MAPK8: variants seen among roughly 807,000 people sequenced by gnomAD.
The protein encoded by MAPK8 is mitogen-activated protein kinase 8.
A neutral mutation model predicts 52.9 loss-of-function variants in MAPK8; 13 were observed. The observed-to-expected ratio is 0.25, with a 90% CI of 0.16 to 0.39. The LOEUF is 0.39. Among genes scored for constraint, MAPK8 ranks in the 10% least tolerant of loss-of-function variants. The pLI is 1.00. For synonymous variants in MAPK8, 191 were observed against 169.8 expected (o/e 1.12, Z -0.97); for missense variants, 300 against 519.2 (o/e 0.58, Z 4.10).
intron 5 of MAPK8, among the ~76,000 whole-genome samples, chr10:48,410,672 A>T (rs1047833988): frequency 1.3e-5 from 2 of 152,224 alleles, no homozygotes; most frequent in African/African-American, 4.8e-5. Flanking sequence ...GTGCTGAGTC[A>T]TATGGTGATT....
Position 48,404,959 on chromosome 10 carries a change from T to C in MAPK8, c.230T>C (p.Met77Thr), listed in dbSNP as rs1334928589. 5 of 1,604,756 alleles carry C rather than the reference T, an allele frequency of 3.1e-6. No homozygotes were observed. The highest frequency in any genetic ancestry group is 3.4e-5 in the Admixed American group (2 of 58,438). ...AKRAYRELVL[M>T]KCVNHKNIIG... ...CGGGCCTACAGAGAGCTAGTTCTTATGAAATGTGTTAATCACAAAAATGTA... is the reference window on the plus strand; with the variant it reads ...CGGGCCTACAGAGAGCTAGTTCTTACGAAATGTGTTAATCACAAAAATGTA... The change falls in exon 3 of 12, where the codon ATG becomes ACG. Residue 77 changes from methionine to threonine, a missense_variant. Physicochemically the swap from Met to Thr is moderately conservative, Grantham distance 81. Transcript: ENST00000374189.
chr10:48,421,258 A>G (rs1303914630), intron 6 of MAPK8, among the ~76,000 whole-genome samples: 1 of 152,370 alleles, frequency 6.6e-6, no homozygotes, highest in Non-Finnish European at 1.5e-5. Flanking sequence ...GATTAAAAAC[A>G]AATACTTTAA....
intron 1 of MAPK8, among the ~76,000 whole-genome samples, chr10:48,324,613 T>G (rs1179488070): frequency 6.6e-6 from 1 of 151,864 alleles, no homozygotes; most frequent in Admixed American, 6.6e-5. Flanking sequence ...CTTGTAGCAA[T>G]TAACTTTTAT....
rs1847154459 is a variant in MAPK8, at chr10:48,358,086, C to G, written c.-49-43526C>G. On this transcript the variant is annotated intron_variant, in intron 1 of 11. Coordinates refer to ENST00000374189, the MANE Select transcript of MAPK8 (RefSeq NM_001323329.2). ...TTAGTTGATGAACCTTTGGATGTTG[C>G]TACCTTTTGGCTGTTGTGAATAGTG... 2.0e-5 allele frequency among the ~76,000 whole-genome samples: 3 copies of G among 152,202 alleles called. No individual in the cohort carries two copies. In the South Asian group the frequency reaches 6.2e-4, roughly 32 times the overall value.
chr10:48,401,601 G>A lies in MAPK8; in HGVS notation c.-49-11G>A, dbSNP rs1434179315. 2.9e-5 allele frequency: 45 copies of A among 1,577,970 alleles called. No individual in the cohort carries two copies. Among genetic ancestry groups the A allele is most frequent in the Non-Finnish European group, 3.4e-5 (39 of 1,157,622 alleles). ...CATTTTGTTAACATCATGTTTTGTT[G>A]CATCTTGCAGCTTCTTGGTGAATTT... is the stretch of plus-strand genomic sequence containing the variant. On this transcript the variant is annotated splice_polypyrimidine_tract_variant and intron_variant, in intron 1 of 11. Coordinates refer to ENST00000374189, the MANE Select transcript of MAPK8 (RefSeq NM_001323329.2).
chr10:48,398,348 G>A (rs1304871010), intron 1 of MAPK8, among the ~76,000 whole-genome samples: 1 of 152,034 alleles, frequency 6.6e-6, no homozygotes, highest in Non-Finnish European at 1.5e-5. Flanking sequence ...CGGCATATAA[G>A]CCCATGAAAA....
In MAPK8 at chr10:48,438,957, A is replaced by G. The variant is rs1209110895; in HGVS notation, c.*3928A>G. Reference sequence around the variant, plus strand: ...TACTTTTGTAGGCCCAATATTTGGTATATTTTTGAGAAGCTGTTAATCTTT... The same window carrying G: ...TACTTTTGTAGGCCCAATATTTGGTGTATTTTTGAGAAGCTGTTAATCTTT... On this transcript the variant is annotated 3_prime_UTR_variant, in exon 12 of 12. Transcript: ENST00000374189. 6.6e-6 allele frequency: 1 copy of G among 152,202 alleles called. No individual in the cohort carries two copies. The highest frequency in any genetic ancestry group is 2.4e-5 in the African/African-American group (1 of 41,442). The allele number at this position is 152,202 out of a possible 1,614,324, so 9.4% of individuals were successfully genotyped here. A position where few individuals can be genotyped will look rare whatever the true frequency, so the allele number is the denominator to read the frequency against.
chr10:48,358,475 T>A (rs1475926972), intron 1 of MAPK8, among the ~76,000 whole-genome samples: 6 of 152,218 alleles, frequency 3.9e-5, no homozygotes, highest in African/African-American at 1.4e-4. Context: ...TTTTTTGTTG[T>A]TGAATTGTAA....
chr10:48,346,936 C>T (rs1355423667), intron 1 of MAPK8, among the ~76,000 whole-genome samples: 2 of 152,190 alleles, frequency 1.3e-5, no homozygotes, highest in African/African-American at 4.8e-5. Context: ...GGAGGTGACT[C>T]ACATTCTTTA....
intron 1 of MAPK8, among the ~76,000 whole-genome samples, chr10:48,349,799 G>T (rs998840119): frequency 6.6e-6 from 1 of 151,892 alleles, no homozygotes; most frequent in Admixed American, 6.6e-5. Flanking sequence ...ATACAGACAC[G>T]GAAAACCCCT....
At chr10:48,375,000 G>C (rs1296917237) in intron 1 of MAPK8, among the ~76,000 whole-genome samples, 1 of 152,108 alleles carries the variant, frequency 6.6e-6, no homozygotes, top group Non-Finnish European at 1.5e-5. Flanking sequence ...TAAAATACCG[G>C]CAAACCAAAT....
chr10:48,328,239 G>A lies in MAPK8; in HGVS notation c.-50+21418G>A, dbSNP rs941508974. 2.6e-5 allele frequency among the ~76,000 whole-genome samples: 4 copies of A among 151,292 alleles called. No homozygotes were observed. In the East Asian group the frequency reaches 5.8e-4, roughly 22 times the overall value. ...TCACCATGTTGGCCAGGGTGGTCTC[G>A]AACTTCTTGATTAGTCTGGCTAGAG... On this transcript the variant is annotated intron_variant, in intron 1 of 11. Transcript: ENST00000374189.
intron 10 of MAPK8, among the ~76,000 whole-genome samples, chr10:48,428,261 A>G (rs539620989): frequency 7.9e-5 from 12 of 152,362 alleles, no homozygotes; most frequent in Non-Finnish European, 1.2e-4. Context: ...GCCCTGGGAC[A>G]TGTGGGTCAG....
chr10:48,339,275 A>G (rs1264307334), intron 1 of MAPK8, among the ~76,000 whole-genome samples: 1 of 152,200 alleles, frequency 6.6e-6, no homozygotes. Context: ...ACCCAGAAAT[A>G]AAGCCACACA....
intron 1 of MAPK8, among the ~76,000 whole-genome samples, chr10:48,324,160 T>C (rs1640043867): frequency 6.6e-6 from 1 of 152,220 alleles, no homozygotes; most frequent in African/African-American, 2.4e-5. Context: ...GTAAACACAT[T>C]CTCTTACATA....
intron 1 of MAPK8, among the ~76,000 whole-genome samples, chr10:48,319,117 AC>A (rs1466430248): frequency 6.6e-6 from 1 of 152,174 alleles, no homozygotes; most frequent in African/African-American, 2.4e-5. Context: ...GTTACTCATG[AC>A]CCATTAGTAG....
chr10:48,421,661 C>G (rs1021798456), intron 6 of MAPK8, among the ~76,000 whole-genome samples: 1 of 152,048 alleles, frequency 6.6e-6, no homozygotes, highest in Non-Finnish European at 1.5e-5. Flanking sequence ...AGAAATTAGT[C>G]AGGTGTGGTG....
At position 48,426,256 on chromosome 10, in the gene MAPK8, T is replaced by A. The variant is rs1008997705; in HGVS notation, c.872-124T>A. On this transcript the variant is annotated intron_variant, in intron 8 of 11. Coordinates refer to ENST00000374189, the MANE Select transcript of MAPK8 (RefSeq NM_001323329.2). Reference sequence around the variant, plus strand: ...ATCTTATATATTTTAATCATATGTATAAGATAATTTTACAGTAATATTTTT... The same window carrying A: ...ATCTTATATATTTTAATCATATGTAAAAGATAATTTTACAGTAATATTTTT... 1.0e-5 allele frequency: 9 copies of A among 891,822 alleles called. No homozygotes were observed. The African/African-American group carries it at 1.4e-4, about 14-fold the overall frequency. 55.2% of individuals were successfully genotyped at this position (891,822 alleles called of 1,614,324 possible).
chr10:48,401,513 G>A, intron 1 of MAPK8, 99 bp from the exon 2 acceptor site: 1 of 659,712 alleles, frequency 1.5e-6, no homozygotes, highest in Non-Finnish European at 2.5e-6. Flanking sequence ...TCATGATCTA[G>A]CAGTCTGTGT....
Sources: allele counts gnomAD v4.1 joint callset (sites outside exome capture counted in the v4.1 genomes callset), GRCh38; gene constraint gnomAD v4.1.1; transcripts MANE v1.5; gene names NCBI Gene and HGNC (gene_info 2026-07-23, HGNC 2026-07-21).